Variants in PIP4P2 observed in about 807,000 individuals in gnomAD.
The protein encoded by PIP4P2 is type 2 phosphatidylinositol 4,5-bisphosphate 4-phosphatase.
PIP4P2 carries 19 observed loss-of-function variants against 33.3 expected under a neutral mutation model. That is an observed-to-expected ratio of 0.57 (90% CI 0.40 to 0.84). The LOEUF is 0.84. Among genes scored for constraint, PIP4P2 ranks in the 40% least tolerant of loss-of-function variants. PIP4P2 has a pLI of 0.00. For synonymous variants in PIP4P2, 110 were observed against 111.9 expected (o/e 0.98, Z 0.11); for missense variants, 270 against 324.7 (o/e 0.83, Z 1.29).
At position 90,995,681 on chromosome 8, in the gene PIP4P2, G is replaced by A. The variant is rs1811618938; in HGVS notation, c.770C>T (p.Ala257Val). 1 of 1,609,788 alleles carries A rather than the reference G, an allele frequency of 6.2e-7. No homozygotes were observed. Among genetic ancestry groups the A allele is most frequent in the Non-Finnish European group, 8.5e-7 (1 of 1,178,464 alleles). Reference sequence around the variant, plus strand: ...ATTACTGAATCATAAACAAGCTTATGCAAAACTGTGTTCTGGATAACTGAC... The same window carrying A: ...ATTACTGAATCATAAACAAGCTTATACAAAACTGTGTTCTGGATAACTGAC... Reference protein sequence around the residue: ...IRVSYPEHSFA With the variant: ...IRVSYPEHSFV The change falls in exon 7 of 7, where the codon GCA becomes GTA. Residue 257 changes from alanine to valine, a missense_variant. Physicochemically the swap from Ala to Val is moderately conservative, Grantham distance 64 (BLOSUM62 0). Transcript: ENST00000285419.
chr8:90,996,207 C>T (rs1251990842), intron 6 of PIP4P2, among the ~76,000 whole-genome samples: 2 of 152,144 alleles, frequency 1.3e-5, no homozygotes, highest in African/African-American at 4.8e-5. Context: ...CCCATGCTAA[C>T]TGCTTAGCTC....
intron 5 of PIP4P2, among the ~76,000 whole-genome samples, chr8:90,999,384 G>T (rs901938694): frequency 6.6e-6 from 1 of 152,070 alleles, no homozygotes; most frequent in African/African-American, 2.4e-5. Context: ...TACAGCCTAG[G>T]GTTGGTAGTC....
intron 5 of PIP4P2, among the ~76,000 whole-genome samples, chr8:91,002,155 C>T (rs1811707284): frequency 6.6e-6 from 1 of 152,096 alleles, no homozygotes; most frequent in African/African-American, 2.4e-5. Flanking sequence ...TCTTCCAAGG[C>T]TGTAGATCCC....
chr8:91,039,405 C>T (rs535887630), intron 1 of PIP4P2, among the ~76,000 whole-genome samples: 89 of 152,188 alleles, frequency 5.8e-4, no homozygotes, highest in African/African-American at 2.0e-3. Flanking sequence ...CATCTTTTTC[C>T]TTTGTTTTTC....
At position 91,040,850 on chromosome 8, in the gene PIP4P2, A is replaced by AGCC; in HGVS notation, c.-102_-101insGGC. The stretch of plus-strand genomic sequence containing the variant: ...CCTCTGCTGCCGCTGCTGCCGCTGC[A>AGCC]GCTGCTGCTGCTGCCGCCTCCGGGA... On this transcript the variant is annotated 5_prime_UTR_variant, in exon 1 of 7. Transcript: ENST00000285419. 2 of 1,019,582 alleles carry AGCC rather than the reference A, an allele frequency of 2.0e-6. No individual in the cohort carries two copies. Among genetic ancestry groups the AGCC allele is most frequent in the Non-Finnish European group, 2.8e-6 (2 of 715,038 alleles). 63.2% of individuals were successfully genotyped at this position (1,019,582 alleles called of 1,614,324 possible).
At chr8:91,015,596 C>T (rs1006699890) in intron 4 of PIP4P2, among the ~76,000 whole-genome samples, 1 of 152,226 alleles carries the variant, frequency 6.6e-6, no homozygotes, top group Middle Eastern at 3.4e-3. Context: ...AAAGAAATAG[C>T]ACTTGGACAT....
In PIP4P2 at chr8:90,996,799, A is replaced by G. The variant is rs1811634854; in HGVS notation, c.540-55T>C. 5.6e-6 allele frequency: 8 copies of G among 1,439,334 alleles called. No homozygotes were observed. In the South Asian group the frequency reaches 6.4e-5, roughly 12 times the overall value. The allele number at this position is 1,439,334 out of a possible 1,614,324, so 89.2% of individuals were successfully genotyped here. A position where few individuals can be genotyped will look rare whatever the true frequency, so the allele number is the denominator to read the frequency against. On this transcript the variant is annotated intron_variant, in intron 5 of 6. Transcript: ENST00000285419. ...TTAAGTATTTACATAAAAATTCTCT[A>G]TTTCATTTTTGTGAGTTCTTATCTA...
In PIP4P2 at chr8:91,022,991, T is replaced by A. The variant is rs117584303; in HGVS notation, c.107-1587A>T. Among the ~76,000 whole-genome samples, 48 of 152,196 alleles carry A rather than the reference T, an allele frequency of 3.2e-4. No individual in the cohort carries two copies. In the East Asian group the frequency reaches 7.1e-3, roughly 23 times the overall value. ...AATAATTTTAAATCCATGAAAAGAA[T>A]TTGAGCGTGATCCAGAGTGACCTGT... On this transcript the variant is annotated intron_variant, in intron 1 of 6. Coordinates refer to ENST00000285419, the MANE Select transcript of PIP4P2 (RefSeq NM_018710.3).
intron 1 of PIP4P2, chr8:91,024,357 G>T: frequency 2.3e-6 from 1 of 437,194 alleles, no homozygotes; most frequent in Non-Finnish European, 4.6e-6. Flanking sequence ...AGATTCCACA[G>T]TTAGTAAACC....
At chr8:91,038,465 G>C (rs1262027138) in intron 1 of PIP4P2, among the ~76,000 whole-genome samples, 2 of 152,224 alleles carry the variant, frequency 1.3e-5, no homozygotes, top group East Asian at 3.9e-4. Flanking sequence ...AAAAACATCT[G>C]ATCTAGTGAT....
intron 1 of PIP4P2, among the ~76,000 whole-genome samples, chr8:91,036,204 C>G (rs561578290): frequency 1.1e-4 from 17 of 151,806 alleles, no homozygotes; most frequent in Non-Finnish European, 2.5e-4. Flanking sequence ...GCCCAGGCCC[C>G]GTTTCTTAGT....
intron 1 of PIP4P2, among the ~76,000 whole-genome samples, chr8:91,033,518 T>C (rs1364713567): frequency 6.6e-6 from 1 of 152,180 alleles, no homozygotes; most frequent in Non-Finnish European, 1.5e-5. Flanking sequence ...AACAGCATCC[T>C]GATTAGTGTC....
In PIP4P2 at chr8:90,995,813, G is replaced by A. The variant is rs771196640; in HGVS notation, c.638C>T (p.Thr213Ile). ...TCGAAATCGCCTTGCAAAATCTGGG[G>A]TGCCAACCTAAAATAAAAAGCAATA... ...IFIGVGLTVG[T>I]PDFARRFRAT... The change falls in exon 7 of 7, where the codon ACC becomes ATC. Residue 213 changes from threonine (T) to isoleucine (I), a missense_variant. Coordinates refer to ENST00000285419, the MANE Select transcript of PIP4P2 (RefSeq NM_018710.3). 8.1e-6 allele frequency: 13 copies of A among 1,596,596 alleles called. No individual in the cohort carries two copies. In the South Asian group the frequency reaches 1.3e-4, roughly 15 times the overall value.
rs534486184 is a variant in PIP4P2 at position 91,040,852 on chromosome 8, C to G, written c.-103G>C. 2,296 of 930,936 alleles carry G rather than the reference C, an allele frequency of 2.5e-3. 6 individuals carry two copies. The highest frequency in any genetic ancestry group is 2.8e-3 in the Non-Finnish European group (1,810 of 641,986). The allele number at this position is 930,936 out of a possible 1,614,324, so 57.7% of individuals were successfully genotyped here. A position where few individuals can be genotyped will look rare whatever the true frequency, so the allele number is the denominator to read the frequency against. Reference sequence around the variant, plus strand: ...TCTGCTGCCGCTGCTGCCGCTGCAGCTGCTGCTGCTGCCGCCTCCGGGAGG... The same window carrying G: ...TCTGCTGCCGCTGCTGCCGCTGCAGGTGCTGCTGCTGCCGCCTCCGGGAGG... On this transcript the variant is annotated 5_prime_UTR_variant, in exon 1 of 7. Transcript: ENST00000285419.
At chr8:91,011,598 G>T (rs1191414444) in intron 4 of PIP4P2, among the ~76,000 whole-genome samples, 1 of 151,974 alleles carries the variant, frequency 6.6e-6, no homozygotes, top group Non-Finnish European at 1.5e-5. Context: ...TTTAAATTCT[G>T]TTTAATTTTT....
chr8:91,035,339 C>A (rs947261704), intron 1 of PIP4P2, among the ~76,000 whole-genome samples: 2 of 152,144 alleles, frequency 1.3e-5, no homozygotes, highest in Non-Finnish European at 2.9e-5. Flanking sequence ...ATAGATAATT[C>A]TTCAATTCTT....
rs777596239 is a variant in PIP4P2 at position 90,995,659 on chromosome 8, A to G, written c.*18T>C. 1 of 1,604,604 alleles carries G rather than the reference A, an allele frequency of 6.2e-7. No individual in the cohort carries two copies. Among genetic ancestry groups the G allele is most frequent in the South Asian group, 1.1e-5 (1 of 88,834 alleles). ...ACTGCTAGACACTCTCACCTGCATT[A>G]CTGAATCATAAACAAGCTTATGCAA... On this transcript the variant is annotated 3_prime_UTR_variant, in exon 7 of 7. Transcript: ENST00000285419.
At chr8:91,029,736 C>G (rs546746117) in intron 1 of PIP4P2, among the ~76,000 whole-genome samples, 3 of 152,068 alleles carry the variant, frequency 2.0e-5, no homozygotes, top group Admixed American at 2.0e-4. Context: ...TTTGGGAGAC[C>G]GAGGCAGGCA....
chr8:91,011,027 TAGATAG>T (rs1412982743), intron 4 of PIP4P2, among the ~76,000 whole-genome samples: 5 of 68,108 alleles, frequency 7.3e-5, no homozygotes, highest in Non-Finnish European at 2.5e-4. Context: ...CTGAGATAGA[TAGATAG>T]ATAGATAGAT....
Sources: gnomAD v4.1 joint callset for allele counts (sites outside exome capture counted in the v4.1 genomes callset) on GRCh38, gnomAD v4.1.1 for gene constraint, MANE v1.5 for transcripts, NCBI Gene and HGNC (gene_info 2026-07-23, HGNC 2026-07-21) for gene names.